Variants in HDAC9 observed in about 807,000 individuals in gnomAD.
The protein encoded by HDAC9 is histone deacetylase 9.
A neutral mutation model predicts 139.4 loss-of-function variants in HDAC9; 41 were observed. The ratio of observed to expected loss-of-function variants is 0.29; its 90% CI spans 0.23 to 0.38. The LOEUF is 0.38. Ranked by LOEUF, HDAC9 falls within the 10% of genes least tolerant of loss-of-function variation. The pLI is 1.00. For synonymous variants in HDAC9, 517 were observed against 476.2 expected (o/e 1.09, Z -1.12); for missense variants, 1,147 against 1,297.0 (o/e 0.88, Z 1.78).
rs148105470 is a variant in HDAC9, at chr7:18,863,656, G to T, written c.2685-10822G>T. On this transcript the variant is annotated intron_variant, in intron 21 of 25. Transcript: ENST00000686413. ...CTTGAATTTAGTGGGAAGAAGCAAT[G>T]AAAAAATAAACATTGGACATAATAT... 1.1e-4 allele frequency among the ~76,000 whole-genome samples: 16 copies of T among 152,032 alleles called. No individual in the cohort carries two copies. In the East Asian group the frequency reaches 2.9e-3, roughly 28 times the overall value.
rs989214571 is a variant in HDAC9 at position 18,998,281 on chromosome 7, T to C, written c.*2219T>C. On this transcript the variant is annotated 3_prime_UTR_variant, in exon 26 of 26. Transcript: ENST00000686413. ...AAACAGTGTAATGCAAACATGCTAATTTACTAAAGTTTCCTACAACAGTTT... is the reference window on the plus strand; with the variant it reads ...AAACAGTGTAATGCAAACATGCTAACTTACTAAAGTTTCCTACAACAGTTT... The C allele has an allele frequency of 6.6e-6, 1 of 151,888 alleles. No individual in the cohort carries two copies. The highest frequency in any genetic ancestry group is 6.6e-5 in the Admixed American group (1 of 15,266). The allele number at this position is 151,888 out of a possible 1,614,324, so 9.4% of individuals were successfully genotyped here.
intron 1 of HDAC9, among the ~76,000 whole-genome samples, chr7:18,401,788 A>G (rs1787568045): frequency 1.3e-5 from 2 of 152,130 alleles, no homozygotes; most frequent in Non-Finnish European, 2.9e-5. Flanking sequence ...CATAGTTCAC[A>G]ATCTGGTGTT....
At chr7:18,795,187 T>C (rs1051851212) in intron 17 of HDAC9, among the ~76,000 whole-genome samples, 1 of 145,694 alleles carries the variant, frequency 6.9e-6, no homozygotes, top group Non-Finnish European at 1.5e-5. Flanking sequence ...AGAACAACGA[T>C]TGGTACAAAT....
chr7:18,126,601 C>T (rs1258693220), intron 1 of HDAC9, among the ~76,000 whole-genome samples: 1 of 152,128 alleles, frequency 6.6e-6, no homozygotes, highest in African/African-American at 2.4e-5. Context: ...GAGCTCTCTC[C>T]TGCTGAGTTA....
chr7:18,977,937 C>CACAA (rs1459994913), intron 25 of HDAC9, among the ~76,000 whole-genome samples: 1 of 150,846 alleles, frequency 6.6e-6, no homozygotes, highest in Non-Finnish European at 1.5e-5. Flanking sequence ...CACACACACA[C>CACAA]ACACACACAC....
intron 25 of HDAC9, among the ~76,000 whole-genome samples, 168 bp from the exon 26 acceptor site, chr7:18,995,855 C>T (rs188253195): frequency 1.1e-4 from 16 of 152,126 alleles, no homozygotes; most frequent in Admixed American, 2.0e-4. Context: ...TGTTTTTCCC[C>T]TTGACATTTG....
intron 2 of HDAC9, among the ~76,000 whole-genome samples, chr7:18,273,011 TTCCTCCTCCTCCTCC>T (rs1218579083): frequency 6.8e-6 from 1 of 147,822 alleles, no homozygotes; most frequent in Non-Finnish European, 1.5e-5. Flanking sequence ...CTTCTTCTTC[TTCCTCCTCCTCCTCC>T]TCTTCCTCTT....
At chr7:18,533,204 AAAAT>A (rs2128240154) in intron 2 of HDAC9, among the ~76,000 whole-genome samples, 1 of 152,276 alleles carries the variant, frequency 6.6e-6, no homozygotes, top group East Asian at 1.9e-4. Flanking sequence ...CATGTGCTTA[AAAAT>A]AAATATTTTC....
chr7:18,763,603 T>A (rs922989169), intron 15 of HDAC9, among the ~76,000 whole-genome samples: 1 of 152,148 alleles, frequency 6.6e-6, no homozygotes, highest in Admixed American at 6.6e-5. Context: ...ATACTTTACA[T>A]AAAATACCTC....
intron 21 of HDAC9, among the ~76,000 whole-genome samples, chr7:18,843,255 A>G (rs1585138599): frequency 1.3e-5 from 2 of 152,152 alleles, no homozygotes; most frequent in Non-Finnish European, 2.9e-5. Flanking sequence ...ACTGAATTAT[A>G]TAACCCTTGC....
At chr7:18,544,167 T>G (rs1813952967) in intron 2 of HDAC9, among the ~76,000 whole-genome samples, 1 of 152,244 alleles carries the variant, frequency 6.6e-6, no homozygotes, top group African/African-American at 2.4e-5. Context: ...CTAATTGATG[T>G]TGCTGGCTTG....
chr7:18,401,467 T>C (rs1056803356), intron 1 of HDAC9, among the ~76,000 whole-genome samples: 2 of 152,194 alleles, frequency 1.3e-5, no homozygotes, highest in African/African-American at 4.8e-5. Flanking sequence ...GCACTTTGCA[T>C]GATAAGACTT....
chr7:18,547,891 C>CTCTCCCTCTCTCCCTT, intron 2 of HDAC9, among the ~76,000 whole-genome samples: 1 of 137,692 alleles, frequency 7.3e-6, no homozygotes, highest in African/African-American at 2.7e-5. Flanking sequence ...CTCTCTCCCT[C>CTCTCCCTCTCTCCCTT]TCTCCCTCTC....
chr7:18,571,458 A>C (rs2128744107), intron 2 of HDAC9, among the ~76,000 whole-genome samples: 1 of 152,298 alleles, frequency 6.6e-6, no homozygotes, highest in South Asian at 2.1e-4. Context: ...TTTCTAAAAC[A>C]TTTCCACTTT....
At chr7:18,116,856 C>G (rs1323156362) in intron 1 of HDAC9, among the ~76,000 whole-genome samples, 2 of 152,144 alleles carry the variant, frequency 1.3e-5, no homozygotes, top group African/African-American at 4.8e-5. Context: ...TTGACTCAGA[C>G]TAAATAAATG....
At chr7:18,169,939 T>C (rs559400615) in intron 2 of HDAC9, among the ~76,000 whole-genome samples, 2 of 152,248 alleles carry the variant, frequency 1.3e-5, no homozygotes, top group African/African-American at 4.8e-5. Context: ...TGTGTCTTTA[T>C]AGCAGCATGA....
chr7:18,674,030 G>A (rs1795817141), intron 12 of HDAC9, among the ~76,000 whole-genome samples: 1 of 151,964 alleles, frequency 6.6e-6, no homozygotes, highest in South Asian at 2.1e-4. Context: ...TTTTGCTGTT[G>A]TTGTTGTTGA....
intron 1 of HDAC9, among the ~76,000 whole-genome samples, chr7:18,301,316 AAATT>A (rs1798523454): frequency 6.6e-6 from 1 of 152,194 alleles, no homozygotes; most frequent in Non-Finnish European, 1.5e-5. Context: ...CAGATGGAGC[AAATT>A]AATTTAAATA....
intron 1 of HDAC9, among the ~76,000 whole-genome samples, chr7:18,484,895 T>A (rs1265663067): frequency 9.2e-5 from 14 of 151,464 alleles, no homozygotes; most frequent in Non-Finnish European, 2.1e-4. Context: ...TTAGTTCATC[T>A]AGGGTTTTGA....
Sources: gnomAD v4.1 joint callset for allele counts (sites outside exome capture counted in the v4.1 genomes callset) on GRCh38, gnomAD v4.1.1 for gene constraint, MANE v1.5 for transcripts, NCBI Gene and HGNC (gene_info 2026-07-23, HGNC 2026-07-21) for gene names.